Variants in CNTN1 observed in about 807,000 individuals in gnomAD.
CNTN1 encodes contactin-1.
A neutral mutation model predicts 126.4 loss-of-function variants in CNTN1; 38 were observed. That is an observed-to-expected ratio of 0.30 (90% confidence interval 0.23 to 0.39). CNTN1 has a LOEUF of 0.39. Ranked by LOEUF, CNTN1 falls within the 10% of genes least tolerant of loss-of-function variation. CNTN1 has a pLI of 1.00. For missense variants in CNTN1, 1,009 were observed against 1,248.4 expected, an observed-to-expected ratio of 0.81 and a Z score of 2.89; for synonymous variants, 413 against 422.6, an observed-to-expected ratio of 0.98 and a Z score of 0.28.
intron 14 of CNTN1, among the ~76,000 whole-genome samples, chr12:40,958,449 AG>A (rs1430073455): frequency 1.3e-5 from 2 of 151,780 alleles, no homozygotes; most frequent in Non-Finnish European, 2.9e-5. Context: ...AATAACTATT[AG>A]CTATTTTTGG....
In CNTN1 at chr12:40,945,216, G is replaced by C. The variant is rs1451053211; in HGVS notation, c.1683+1046G>C. On this transcript the variant is annotated intron_variant, in intron 14 of 23. Coordinates refer to ENST00000551295, the MANE Select transcript of CNTN1 (RefSeq NM_001843.4). ...GAATTGGCAGAGAACTGTAAATTTT[G>C]TATTTTGACATTATATACCATGTAA... Among the ~76,000 whole-genome samples the C allele has an allele frequency of 2.0e-5, 3 of 151,896 alleles. No individual in the cohort carries two copies. The East Asian group carries it at 5.8e-4, about 29-fold the overall frequency.
intron 10 of CNTN1, among the ~76,000 whole-genome samples, 177 bp from the exon 11 acceptor site, chr12:40,937,393 C>T (rs904098780): frequency 6.6e-5 from 10 of 152,092 alleles, no homozygotes; most frequent in Non-Finnish European, 1.5e-5. Context: ...AGCCTTTGGG[C>T]ATGGTAAGTG....
intron 20 of CNTN1, among the ~76,000 whole-genome samples, chr12:41,021,327 AG>A (rs1431158751): frequency 5.9e-5 from 9 of 151,646 alleles, no homozygotes; most frequent in Non-Finnish European, 1.2e-4. Context: ...AGTGCTGTCT[AG>A]GGCTGCCTCT....
intron 1 of CNTN1, among the ~76,000 whole-genome samples, chr12:40,830,147 A>T (rs1282593489): frequency 6.6e-6 from 1 of 152,154 alleles, no homozygotes; most frequent in Admixed American, 6.6e-5. Context: ...GCCATTAGCC[A>T]ATCTCATTTA....
At chr12:40,796,563 A>T (rs1037106281) in intron 1 of CNTN1, among the ~76,000 whole-genome samples, 2 of 152,106 alleles carry the variant, frequency 1.3e-5, no homozygotes, top group Non-Finnish European at 2.9e-5. Context: ...GACAAAGAAG[A>T]GTGCCCTGAT....
intron 22 of CNTN1, 121 bp from the exon 23 acceptor site, chr12:41,028,942 T>G: frequency 1.0e-6 from 1 of 967,286 alleles, no homozygotes; most frequent in Non-Finnish European, 1.6e-6. Flanking sequence ...TTTTTCCTCT[T>G]GTTTTAAATT....
At chr12:40,716,950 A>G (rs537312802) in intron 1 of CNTN1, among the ~76,000 whole-genome samples, 165 of 152,336 alleles carry the variant, frequency 1.1e-3, no homozygotes, top group South Asian at 2.3e-3. Flanking sequence ...TTATAATCTT[A>G]TTTAATCTTC....
At chr12:40,920,342 G>T (rs904690320) in intron 4 of CNTN1, among the ~76,000 whole-genome samples, 3 of 85,630 alleles carry the variant, frequency 3.5e-5, no homozygotes, top group African/African-American at 9.9e-5. Flanking sequence ...GCAAAGCTTT[G>T]CTTTGCCAGT....
intron 2 of CNTN1, 76 bp downstream of exon 2, chr12:40,908,569 A>G: frequency 9.0e-7 from 1 of 1,106,596 alleles, no homozygotes; most frequent in Non-Finnish European, 1.3e-6. Context: ...AATGTATTGT[A>G]TGAAGTAAAA....
intron 23 of CNTN1, among the ~76,000 whole-genome samples, chr12:41,055,694 TAAAG>T (rs1467943733): frequency 6.6e-6 from 1 of 152,092 alleles, no homozygotes; most frequent in African/African-American, 2.4e-5. Context: ...GAAGCAATCC[TAAAG>T]AAAGAAAAAT....
chr12:40,743,371 A>G (rs980817639), intron 1 of CNTN1, among the ~76,000 whole-genome samples: 8 of 152,102 alleles, frequency 5.3e-5, no homozygotes, highest in African/African-American at 7.2e-5. Flanking sequence ...AAAAATTGCA[A>G]TGAGTGACAT....
intron 1 of CNTN1, among the ~76,000 whole-genome samples, chr12:40,720,618 AT>A (rs1316366063): frequency 1.3e-5 from 2 of 152,270 alleles, no homozygotes; most frequent in South Asian, 4.1e-4. Context: ...AATCATAACA[AT>A]TTTTTGTGTA....
chr12:41,069,642 A>G (rs1488337550), intron 23 of CNTN1, among the ~76,000 whole-genome samples: 3 of 147,334 alleles, frequency 2.0e-5, no homozygotes, highest in African/African-American at 7.6e-5. Context: ...TAATGCATGT[A>G]TATATGTTTC....
At chr12:40,824,400 C>G (rs1039403637) in intron 1 of CNTN1, among the ~76,000 whole-genome samples, 1 of 152,056 alleles carries the variant, frequency 6.6e-6, no homozygotes, top group Non-Finnish European at 1.5e-5. Context: ...ATTAATGTTT[C>G]TAAAGTCCTT....
chr12:40,997,721 G>A (rs1948254011), intron 17 of CNTN1, among the ~76,000 whole-genome samples: 1 of 152,124 alleles, frequency 6.6e-6, no homozygotes, highest in Non-Finnish European at 1.5e-5. Flanking sequence ...TATTAAGAGA[G>A]GGGATAATGC....
At chr12:40,709,987 C>T (rs1941870826) in intron 1 of CNTN1, among the ~76,000 whole-genome samples, 1 of 152,078 alleles carries the variant, frequency 6.6e-6, no homozygotes, top group South Asian at 2.1e-4. Flanking sequence ...CACAACTTAG[C>T]TATTTCGCCA....
chr12:40,818,988 C>A (rs1941349955), intron 1 of CNTN1, among the ~76,000 whole-genome samples: 1 of 152,136 alleles, frequency 6.6e-6, no homozygotes, highest in African/African-American at 2.4e-5. Context: ...CCTTATTCAT[C>A]TGATTCACTC....
In CNTN1 at chr12:41,025,113, A is replaced by G. The variant is rs751031418; in HGVS notation, c.2524-37A>G. The G allele has an allele frequency of 1.9e-6, 3 of 1,610,292 alleles. No individual in the cohort carries two copies. In the South Asian group the frequency reaches 3.3e-5, roughly 18 times the overall value. On this transcript the variant is annotated intron_variant, in intron 20 of 23. Transcript: ENST00000551295. The stretch of plus-strand genomic sequence containing the variant: ...AACTTTTCATAGCTGAAGACTCTAA[A>G]TCATGGCAAAATATAACTCATCCTG...
chr12:41,066,967 G>A (rs1040270561), intron 23 of CNTN1, among the ~76,000 whole-genome samples: 1 of 152,172 alleles, frequency 6.6e-6, no homozygotes, highest in African/African-American at 2.4e-5. Context: ...CATCAGCTAT[G>A]TGAAAAGCAA....
Sources: gnomAD v4.1 joint callset for allele counts (sites outside exome capture counted in the v4.1 genomes callset) on GRCh38, gnomAD v4.1.1 for gene constraint, MANE v1.5 for transcripts, NCBI Gene and HGNC (gene_info 2026-07-23, HGNC 2026-07-21) for gene names.